The following RPS6KA2 variants were observed in gnomAD, a reference collection of about 807,000 sequenced individuals.
The protein encoded by RPS6KA2 is ribosomal protein S6 kinase alpha-2.
A neutral mutation model predicts 91.8 loss-of-function variants in RPS6KA2; 42 were observed. The observed-to-expected ratio is 0.46, with a 90% CI of 0.36 to 0.59. The LOEUF (loss-of-function observed/expected upper bound fraction) is 0.59, where lower values mean the gene tolerates loss of function less well. Among genes scored for constraint, RPS6KA2 ranks in the 20% least tolerant of loss-of-function variants. The pLI is 0.00. For synonymous variants in RPS6KA2, 414 were observed against 393.6 expected (o/e 1.05, Z -0.61); for missense variants, 798 against 978.5 (o/e 0.82, Z 2.46).
At chr6:166,688,244 C>G (rs1789085353) in intron 2 of RPS6KA2, among the ~76,000 whole-genome samples, 3 of 152,108 alleles carry the variant, frequency 2.0e-5, no homozygotes, top group African/African-American at 7.2e-5. Flanking sequence ...TGGGTGTCTC[C>G]CTGGCTCACT....
intron 2 of RPS6KA2, among the ~76,000 whole-genome samples, chr6:166,839,998 T>TAC (rs1780425720): frequency 6.6e-6 from 1 of 151,754 alleles, no homozygotes; most frequent in Non-Finnish European, 1.5e-5. Context: ...ATTCCATATA[T>TAC]ATATATGTAA....
chr6:166,632,815 G>A (rs1177681451), intron 2 of RPS6KA2, among the ~76,000 whole-genome samples: 1 of 152,152 alleles, frequency 6.6e-6, no homozygotes, highest in African/African-American at 2.4e-5. Context: ...TGAGGGAGGA[G>A]AAAGCAGGGA....
At chr6:166,440,355 C>G (rs1466089116) in intron 14 of RPS6KA2, 1 of 152,124 alleles carries the variant, frequency 6.6e-6, no homozygotes, top group East Asian at 1.9e-4. Flanking sequence ...GCTGAGCATA[C>G]GAGAAACAAA....
At chr6:166,858,801 C>T (rs185404259) in intron 1 of RPS6KA2, among the ~76,000 whole-genome samples, 1 of 152,366 alleles carries the variant, frequency 6.6e-6, no homozygotes, top group East Asian at 1.9e-4. Context: ...GTGGAACCAT[C>T]TGGGTCTGAG....
Position 166,435,086 on chromosome 6 carries a change from T to G in RPS6KA2, c.1333-2596A>C, listed in dbSNP as rs1779252673. ...AAATATGAAATAAAGAATTCCAAAA[T>G]TTCAGCTTACTATTTTGTAAGCTGA... On this transcript the variant is annotated intron_variant, in intron 14 of 20. Coordinates refer to ENST00000265678, the MANE Select transcript of RPS6KA2 (RefSeq NM_021135.6). The surrounding 1 kb of genome is among the most constrained non-coding windows in gnomAD (Gnocchi z 4.3). 6.6e-6 allele frequency among the ~76,000 whole-genome samples: 1 copy of G among 152,194 alleles called. No homozygotes were observed.
intron 14 of RPS6KA2, among the ~76,000 whole-genome samples, chr6:166,447,172 A>G (rs1454230097): frequency 1.3e-5 from 2 of 152,172 alleles, no homozygotes; most frequent in Non-Finnish European, 2.9e-5. Flanking sequence ...AGAGGCAACC[A>G]CTTCATAACA....
In RPS6KA2 at chr6:166,733,866, G is replaced by C. The variant is rs1362082552; in HGVS notation, c.123+124334C>G. Reference sequence around the variant, plus strand: ...TGAGCAGGTTTACAGGCTGAACAGAGTAAACCAATAGAAAGAGAAATGGTA... The same window carrying C: ...TGAGCAGGTTTACAGGCTGAACAGACTAAACCAATAGAAAGAGAAATGGTA... On this transcript the variant is annotated intron_variant, in intron 2 of 21. Coordinates refer to the RPS6KA2 transcript ENST00000503859. This position sits in a 1 kb window ranked among gnomAD's most constrained non-coding sequence, Gnocchi z 4.1. 6.6e-6 allele frequency among the ~76,000 whole-genome samples: 1 copy of C among 152,220 alleles called. No homozygotes were observed. The highest frequency in any genetic ancestry group is 2.4e-5 in the African/African-American group (1 of 41,448).
intron 2 of RPS6KA2, among the ~76,000 whole-genome samples, chr6:166,771,763 C>T (rs1317215260): frequency 6.6e-6 from 1 of 152,210 alleles, no homozygotes; most frequent in Admixed American, 6.5e-5. Context: ...GTTGGAATCA[C>T]CATCTAAATG....
intron 1 of RPS6KA2, chr6:166,542,552 G>T (rs1478551871): frequency 6.6e-6 from 1 of 152,212 alleles, no homozygotes; most frequent in Non-Finnish European, 1.5e-5. Context: ...ACGTAAGAAA[G>T]AAAAACTAGA....
chr6:166,740,844 A>G (rs1790791272), intron 2 of RPS6KA2, among the ~76,000 whole-genome samples: 1 of 152,284 alleles, frequency 6.6e-6, no homozygotes, highest in Non-Finnish European at 1.5e-5. Flanking sequence ...TAACAGGAAA[A>G]TGCAGATGAA....
chr6:166,631,378 A>T (rs1787070089), upstream of RPS6KA2, among the ~76,000 whole-genome samples: 1 of 152,138 alleles, frequency 6.6e-6, no homozygotes, highest in South Asian at 2.1e-4. Flanking sequence ...AGCTGTGGAA[A>T]CCATCATGGT....
At chr6:166,525,491 G>A (rs113925262) in intron 3 of RPS6KA2, among the ~76,000 whole-genome samples, 3 of 152,108 alleles carry the variant, frequency 2.0e-5, no homozygotes, top group African/African-American at 7.2e-5. Context: ...GGAAGGAGAC[G>A]GGTGCCCAAC....
intron 2 of RPS6KA2, among the ~76,000 whole-genome samples, chr6:166,853,315 A>AT (rs1365319670): frequency 1.3e-5 from 2 of 152,330 alleles, no homozygotes; most frequent in African/African-American, 4.8e-5. Flanking sequence ...AAATTCTAAT[A>AT]TTTTTCAAAG....
chr6:166,467,884 G>A (rs148757470), intron 11 of RPS6KA2, among the ~76,000 whole-genome samples: 15 of 152,346 alleles, frequency 9.8e-5, no homozygotes, highest in Non-Finnish European at 7.3e-5. Context: ...AGACTGGGAC[G>A]CCCAGCAGAA....
At chr6:166,592,097 C>T (rs1263737584) in intron 1 of RPS6KA2, among the ~76,000 whole-genome samples, 1 of 152,218 alleles carries the variant, frequency 6.6e-6, no homozygotes, top group African/African-American at 2.4e-5. Context: ...GAAAAGTGGG[C>T]AAGAGATGGG....
At chr6:166,777,061 T>G (rs1778640695) in intron 2 of RPS6KA2, among the ~76,000 whole-genome samples, 1 of 152,102 alleles carries the variant, frequency 6.6e-6, no homozygotes, top group South Asian at 2.1e-4. Context: ...AGCTTGGGTT[T>G]TAATATGCTG....
At chr6:166,534,504 A>G (rs115847511) in intron 2 of RPS6KA2, among the ~76,000 whole-genome samples, 321 of 152,270 alleles carry the variant, frequency 2.1e-3, no homozygotes, top group African/African-American at 7.5e-3. Context: ...CCTAACCCAT[A>G]AGAAGTACGA....
At chr6:166,491,464 G>A (rs996226627) in intron 8 of RPS6KA2, among the ~76,000 whole-genome samples, 11 of 152,318 alleles carry the variant, frequency 7.2e-5, no homozygotes, top group Non-Finnish European at 1.5e-4. Context: ...AGAGCAAGGT[G>A]CACAGCTGAC....
At chr6:166,553,210 C>T (rs989363246) in intron 1 of RPS6KA2, among the ~76,000 whole-genome samples, 2 of 152,140 alleles carry the variant, frequency 1.3e-5, no homozygotes, top group East Asian at 3.8e-4. Context: ...CTTTGACCTC[C>T]CTGGGCTCAA....
Sources: gnomAD v4.1 joint callset for allele counts (sites outside exome capture counted in the v4.1 genomes callset) on GRCh38, gnomAD v4.1.1 for gene constraint, Gnocchi (gnomAD v3.1) non-coding constraint, MANE v1.5 for transcripts, NCBI Gene and HGNC (gene_info 2026-07-23, HGNC 2026-07-21) for gene names.